The following LMF1 variants were observed in gnomAD, a reference collection of about 807,000 sequenced individuals.
LMF1 encodes the protein lipase maturation factor 1.
A neutral mutation model predicts 60.6 loss-of-function variants in LMF1; 68 were observed. That is an observed-to-expected ratio of 1.12 (90% confidence interval 0.92 to 1.37). LMF1 has a LOEUF of 1.37. LMF1 is among the 40% of genes most tolerant of loss of function. The pLI, the probability that LMF1 is intolerant of heterozygous loss-of-function variation, is 0.00. For missense variants in LMF1, 948 were observed against 767.2 expected (o/e 1.24, Z -2.78); for synonymous variants, 418 against 324.7 (o/e 1.29, Z -3.09).
intron 4 of LMF1, 53 bp from the exon 5 acceptor site, chr16:893,125 G>A (rs147186984): frequency 1.4e-4 from 203 of 1,469,684 alleles, no homozygotes; most frequent in East Asian, 1.7e-4. Context: ...GGGATGCGGC[G>A]GCCCCGACAG....
intron 3 of LMF1, among the ~76,000 whole-genome samples, chr16:924,355 C>A (rs1195454198): frequency 6.6e-6 from 1 of 152,158 alleles, no homozygotes; most frequent in South Asian, 2.1e-4. Flanking sequence ...ACGGCAAGGG[C>A]TTCTGTTTTT....
rs1305426445 is a variant in LMF1, at chr16:854,202, G to T, written c.*330C>A. The T allele has an allele frequency of 1.8e-6, 1 of 547,682 alleles. No homozygotes were observed. The highest frequency in any genetic ancestry group is 4.4e-5 in the East Asian group (1 of 22,900). 33.9% of individuals were successfully genotyped at this position (547,682 alleles called of 1,614,324 possible). ...ATGGTCAGGGCTGTAGTGGAGGAAG[G>T]TGTCAGGATGGCCATTGTCTCAACT... On this transcript the variant is annotated 3_prime_UTR_variant, in exon 11 of 11. Coordinates refer to ENST00000262301, the MANE Select transcript of LMF1 (RefSeq NM_022773.4).
intron 10 of LMF1, among the ~76,000 whole-genome samples, chr16:863,234 C>T (rs920867289): frequency 3.9e-5 from 6 of 152,268 alleles, no homozygotes; most frequent in South Asian, 2.1e-4. Flanking sequence ...GCTGCAGTCT[C>T]GGCTCGAGCA....
chr16:921,267 G>T (rs535697253), intron 3 of LMF1: 1 of 152,352 alleles, frequency 6.6e-6, no homozygotes, highest in South Asian at 2.1e-4. Context: ...GCTTCCACTG[G>T]GGCATTCTGT....
At chr16:906,765 A>G (rs2070982802) in intron 4 of LMF1, among the ~76,000 whole-genome samples, 1 of 152,140 alleles carries the variant, frequency 6.6e-6, no homozygotes. Context: ...ATTCTTCTTC[A>G]AAATTGTTTT....
At chr16:863,560 A>ATTGT (rs1014260142) in intron 10 of LMF1, among the ~76,000 whole-genome samples, 1 of 151,982 alleles carries the variant, frequency 6.6e-6, no homozygotes, top group African/African-American at 2.4e-5. Flanking sequence ...AAGTTTCTCT[A>ATTGT]TTGTTTGTTT....
At position 870,743 on chromosome 16, in the gene LMF1, G is replaced by GT. The variant is rs868822583; in HGVS notation, c.1217dup (p.Tyr406Ter). The GT allele has an allele frequency of 6.2e-7, 1 of 1,612,918 alleles. No individual in the cohort carries two copies. Among genetic ancestry groups the GT allele is most frequent in the Non-Finnish European group, 8.5e-7 (1 of 1,179,796 alleles). Residue 406 changes from tyrosine to a stop codon, truncating the protein, a stop_gained and frameshift_variant, in exon 8 of 11, where the codon TAC becomes TAAC. Transcript: ENST00000262301. LOFTEE classifies it high-confidence loss of function. ...HFNSLHIVNT[Y>*]GAFGSITKER... is the part of the protein sequence containing the mutation. ...CAGGCTCATACCTTCCGAAGGCCCCGTAAGTGTTGACGATGTGAAGAGAGT... is the reference window on the plus strand; with the variant it reads ...CAGGCTCATACCTTCCGAAGGCCCCGTTAAGTGTTGACGATGTGAAGAGAGT...
At position 854,626 on chromosome 16, in the gene LMF1, C is replaced by T. The variant is rs533542876; in HGVS notation, c.1610G>A (p.Arg537Gln). Reference protein sequence around the residue: ...RHAAEGKWWVRKRIGAYFPPL... With the variant: ...RHAAEGKWWVQKRIGAYFPPL... ...AGGGAAGTAGGCTCCGATCCTCTTC[C>T]GCACCCACCACTTGCCCTCGGCGGC... Residue 537 changes from arginine to glutamine, a missense_variant, in exon 11 of 11, where the codon CGG (arginine) becomes CAG (glutamine). Transcript: ENST00000262301. The T allele has an allele frequency of 3.7e-5, 59 of 1,607,292 alleles. No homozygotes were observed. Among genetic ancestry groups the T allele is most frequent in the African/African-American group, 2.5e-4 (19 of 74,964 alleles).
chr16:911,096 T>C lies in LMF1; in HGVS notation c.515-17A>G, dbSNP rs569775537. 3 of 1,607,190 alleles carry C rather than the reference T, an allele frequency of 1.9e-6. No homozygotes were observed. Among genetic ancestry groups the C allele is most frequent in the East Asian group, 2.2e-5 (1 of 44,636 alleles). On this transcript the variant is annotated splice_polypyrimidine_tract_variant and intron_variant, in intron 3 of 10. Transcript: ENST00000262301. ...ACTCCCATCCTAAAACAACGAGACATACCAAAGGTGAGTTAATGGAAGCCA... is the reference window on the plus strand; with the variant it reads ...ACTCCCATCCTAAAACAACGAGACACACCAAAGGTGAGTTAATGGAAGCCA...
intron 4 of LMF1, among the ~76,000 whole-genome samples, chr16:910,673 C>T (rs560350369): frequency 2.6e-5 from 4 of 152,288 alleles, no homozygotes; most frequent in Admixed American, 2.6e-4. Flanking sequence ...TCTGAGTCTC[C>T]TCCTGAAACA....
At chr16:970,458 T>TGGGCCA (rs900281847) in intron 1 of LMF1, among the ~76,000 whole-genome samples, 2 of 151,428 alleles carry the variant, frequency 1.3e-5, no homozygotes, top group Admixed American at 6.5e-5. Context: ...TGGGAACTCC[T>TGGGCCA]GGGCCAGGGC....
intron 2 of LMF1, among the ~76,000 whole-genome samples, chr16:948,032 CGACAGAGTCAGCCAAT>C (rs2072291067): frequency 8.8e-6 from 1 of 113,984 alleles, no homozygotes; most frequent in Non-Finnish European, 1.9e-5. Flanking sequence ...TCAGAGACAA[CGACAGAGTCAGCCAAT>C]GACAGAGTCA....
At chr16:934,378 C>A (rs987144863) in intron 2 of LMF1, 124 bp from the exon 3 acceptor site, 7 of 1,207,510 alleles carry the variant, frequency 5.8e-6, no homozygotes, top group Non-Finnish European at 8.4e-6. Flanking sequence ...GGAAGCCCTG[C>A]GAGGAGGACC....
intron 2 of LMF1, among the ~76,000 whole-genome samples, chr16:948,805 A>T (rs1256847359): frequency 1.0e-5 from 1 of 96,310 alleles, no homozygotes; most frequent in African/African-American, 5.5e-5. Flanking sequence ...CGACAGAGTC[A>T]GCCAACGACA....
rs575531496 is a variant in LMF1, at chr16:941,196, TG to T, written c.504-6943del. 2.4e-3 allele frequency among the ~76,000 whole-genome samples: 358 copies of T among 152,300 alleles called. 2 individuals are homozygous for T. The Middle Eastern group carries it at 0.024, about 10-fold the overall frequency. On this transcript the variant is annotated intron_variant, in intron 2 of 10. Transcript: ENST00000262301. ...ACCTTTATATTTAAAGCATAGCTCT[TG>T]AAAACTGCATATACTTGATACCTGA...
chr16:937,539 C>T (rs2071981393), intron 2 of LMF1, among the ~76,000 whole-genome samples: 1 of 152,292 alleles, frequency 6.6e-6, no homozygotes, highest in South Asian at 2.1e-4. Flanking sequence ...GCTGGGGTCT[C>T]TGTTGACTGA....
At chr16:913,470 G>A (rs889237058) in intron 3 of LMF1, among the ~76,000 whole-genome samples, 6 of 152,230 alleles carry the variant, frequency 3.9e-5, no homozygotes, top group Non-Finnish European at 7.3e-5. Flanking sequence ...CTGCCCTGGC[G>A]CCTCGCCCGG....
chr16:879,624 G>T lies in LMF1; in HGVS notation c.843C>A (p.Leu281=). 6.2e-7 allele frequency: 1 copy of T among 1,613,534 alleles called. No homozygotes were observed. The highest frequency in any genetic ancestry group is 1.1e-5 in the South Asian group (1 of 91,028). Residue 281 remains leucine (L), a synonymous_variant, in exon 6 of 11, where the codon CTC becomes CTA. Transcript: ENST00000262301. ...HFIELLVPFF[L]FLGRRACIIH... ...TGATGCACGCCCGCCGGCCGAGGAA[G>T]AGGAAGAAGGGCACCAGGAGCTCGA...
intron 1 of LMF1, among the ~76,000 whole-genome samples, chr16:957,977 T>C (rs2072743037): frequency 6.6e-6 from 1 of 152,082 alleles, no homozygotes; most frequent in South Asian, 2.1e-4. Flanking sequence ...ACTCAGTCTC[T>C]ACAAAATAAA....
Sources: gnomAD v4.1 joint callset for allele counts (sites outside exome capture counted in the v4.1 genomes callset) on GRCh38, gnomAD v4.1.1 for gene constraint, MANE v1.5 for transcripts, NCBI Gene and HGNC (gene_info 2026-07-23, HGNC 2026-07-21) for gene names.